The following RBFOX3 variants were observed in gnomAD, a reference collection of about 807,000 sequenced individuals.
The protein encoded by RBFOX3 is RNA binding fox-1 homolog 3, also known as RNA binding protein fox-1 homolog 3.
Under a neutral mutation model 48.7 loss-of-function variants are expected in RBFOX3, and 17 were observed. That is an observed-to-expected ratio of 0.35 (90% confidence interval 0.24 to 0.52). The LOEUF is 0.52. RBFOX3 is among the 20% of genes least tolerant of loss of function. The pLI is 0.94. For missense variants in RBFOX3, 382 were observed against 497.5 expected (o/e 0.77, Z 2.21); for synonymous variants, 212 against 209.5 (o/e 1.01, Z -0.10).
At chr17:79,131,029 G>A (rs1298518248) in intron 4 of RBFOX3, among the ~76,000 whole-genome samples, 1 of 151,928 alleles carries the variant, frequency 6.6e-6, no homozygotes, top group East Asian at 1.9e-4. Flanking sequence ...TGCCCCATGT[G>A]TGCTGTGCCC....
intron 1 of RBFOX3, among the ~76,000 whole-genome samples, chr17:79,538,201 T>C (rs1830744271): frequency 1.3e-5 from 2 of 152,246 alleles, no homozygotes; most frequent in Non-Finnish European, 1.5e-5. Flanking sequence ...TGAATACATG[T>C]AATCTCATGA....
chr17:79,662,359 T>C, the RBFOX3 span, among the ~76,000 whole-genome samples: 1 of 151,962 alleles, frequency 6.6e-6, no homozygotes, highest in Non-Finnish European at 1.5e-5. Flanking sequence ...CCTGACCTTG[T>C]GATCCGCCCA....
At chr17:79,470,940 A>G (rs1311417461) in intron 2 of RBFOX3, among the ~76,000 whole-genome samples, 3 of 152,044 alleles carry the variant, frequency 2.0e-5, no homozygotes, top group Non-Finnish European at 2.9e-5. Context: ...GTCATCCAAG[A>G]CAGGCCACTT....
At chr17:79,620,577 ACACGCACGCACACACACG>A in the RBFOX3 span, among the ~76,000 whole-genome samples, 10 of 89,354 alleles carry the variant, frequency 1.1e-4, no homozygotes, top group East Asian at 1.0e-3. Flanking sequence ...GCGCGTGCAC[ACACGCACGCACACACACG>A]CACGCACGCA....
At chr17:79,312,356 T>C (rs568251466) in intron 2 of RBFOX3, among the ~76,000 whole-genome samples, 1 of 151,216 alleles carries the variant, frequency 6.6e-6, no homozygotes, top group South Asian at 2.1e-4. Flanking sequence ...AGCCATGGCC[T>C]GACCCACCTT....
At chr17:79,562,693 C>T (rs1357285152) in intron 1 of RBFOX3, among the ~76,000 whole-genome samples, 4 of 152,180 alleles carry the variant, frequency 2.6e-5, no homozygotes, top group Non-Finnish European at 5.9e-5. Flanking sequence ...AGAGAAAGTC[C>T]ATGGAGGGTG....
the RBFOX3 span, among the ~76,000 whole-genome samples, chr17:79,653,278 G>T: frequency 2.0e-5 from 3 of 152,318 alleles, no homozygotes; most frequent in Non-Finnish European, 4.4e-5. Flanking sequence ...ACAGTAACCT[G>T]TGAGTGCCAG....
intron 1 of RBFOX3, among the ~76,000 whole-genome samples, chr17:79,574,233 AG>A (rs1438114964): frequency 3.9e-5 from 6 of 152,196 alleles, no homozygotes; most frequent in Non-Finnish European, 7.3e-5. Context: ...CATCTTGAAT[AG>A]GGGCTGGGCA....
At chr17:79,232,087 T>C (rs1600136996) in intron 4 of RBFOX3, among the ~76,000 whole-genome samples, 1 of 152,194 alleles carries the variant, frequency 6.6e-6, no homozygotes, top group East Asian at 1.9e-4. Context: ...GACTCACCCA[T>C]TATCACGAGA....
rs781939543 is a variant in RBFOX3, at chr17:79,421,662, G to A, written c.-175+60792C>T. Among the ~76,000 whole-genome samples, 4 of 152,170 alleles carry A rather than the reference G, an allele frequency of 2.6e-5. No individual in the cohort carries two copies. Among genetic ancestry groups the A allele is most frequent in the East Asian group, 3.9e-4 (2 of 5,172 alleles). ...GCGGGACCCCAGGGGCACACCGAAC[G>A]CGGTCACCATAGGACCAAACAAGAT... On this transcript the variant is annotated intron_variant, in intron 2 of 14. Transcript: ENST00000693108. This position sits in a 1 kb window ranked among gnomAD's most constrained non-coding sequence, Gnocchi z 4.5.
At chr17:79,337,184 C>T (rs1047571092) in intron 2 of RBFOX3, among the ~76,000 whole-genome samples, 6 of 152,106 alleles carry the variant, frequency 3.9e-5, no homozygotes, top group Admixed American at 2.0e-4. Flanking sequence ...GAAAGGACCA[C>T]GTCATCTTGG....
intron 4 of RBFOX3, among the ~76,000 whole-genome samples, chr17:79,190,690 C>T (rs868676349): frequency 1.2e-4 from 19 of 152,144 alleles, no homozygotes; most frequent in African/African-American, 3.9e-4. Context: ...AAACCTTTTC[C>T]GTCTTAATTT....
chr17:79,167,048 G>A (rs1002869086), intron 4 of RBFOX3, among the ~76,000 whole-genome samples: 4 of 152,184 alleles, frequency 2.6e-5, no homozygotes, highest in African/African-American at 7.2e-5. Context: ...CAAGACCCCC[G>A]GCAAGGCGGG....
Position 79,254,302 on chromosome 17 carries a change from G to A in RBFOX3, c.-73-18497C>T, listed in dbSNP as rs547261641. Reference sequence around the variant, plus strand: ...TGCTGCCCAGTCCTATTCCTGCCTCGTTCAGAACCCTGCCCACCCCGCAAC... The same window carrying A: ...TGCTGCCCAGTCCTATTCCTGCCTCATTCAGAACCCTGCCCACCCCGCAAC... On this transcript the variant is annotated intron_variant, in intron 3 of 14. Transcript: ENST00000693108. The surrounding 1 kb of genome is among the most constrained non-coding windows in gnomAD (Gnocchi z 4.8). Among the ~76,000 whole-genome samples, 5 of 152,226 alleles carry A rather than the reference G, an allele frequency of 3.3e-5. No homozygotes were observed. Among genetic ancestry groups the A allele is most frequent in the African/African-American group, 1.2e-4 (5 of 41,522 alleles).
At position 79,090,593 on chromosome 17, in the gene RBFOX3, C is replaced by T; in HGVS notation, c.*290G>A. ...ACAAGGGAGGCCCCTTCCCCTCCAA[C>T]TCCCCCACTGCCTGAGACGGAGGGG... On this transcript the variant is annotated 3_prime_UTR_variant, in exon 15 of 15. Transcript: ENST00000693108. 1 of 432,470 alleles carries T rather than the reference C, an allele frequency of 2.3e-6. No homozygotes were observed. 26.8% of individuals were successfully genotyped at this position (432,470 alleles called of 1,614,324 possible). A position where few individuals can be genotyped will look rare whatever the true frequency, so the allele number is the denominator to read the frequency against.
chr17:79,340,125 C>G (rs552538991), intron 2 of RBFOX3, among the ~76,000 whole-genome samples: 2 of 152,032 alleles, frequency 1.3e-5, no homozygotes, highest in Admixed American at 6.6e-5. Context: ...ATGGTGAAAC[C>G]CTGTCCCTAC....
the RBFOX3 span, among the ~76,000 whole-genome samples, chr17:79,647,112 G>C: frequency 6.6e-6 from 1 of 151,988 alleles, no homozygotes; most frequent in Non-Finnish European, 1.5e-5. Flanking sequence ...ATGAGTGAGA[G>C]GACTTCATCT....
At chr17:79,244,414 A>C (rs1284768717) in intron 3 of RBFOX3, among the ~76,000 whole-genome samples, 1 of 152,214 alleles carries the variant, frequency 6.6e-6, no homozygotes, top group Non-Finnish European at 1.5e-5. Context: ...GTAAGAGAAT[A>C]AACTTCTGTT....
At chr17:79,094,814 G>T (rs942640977) in intron 13 of RBFOX3, among the ~76,000 whole-genome samples, 5 of 151,480 alleles carry the variant, frequency 3.3e-5, no homozygotes, top group African/African-American at 1.2e-4. Flanking sequence ...GCTACGTGGA[G>T]GGGGATGGTG....
Sources: gnomAD v4.1 joint callset for allele counts (sites outside exome capture counted in the v4.1 genomes callset) on GRCh38, gnomAD v4.1.1 for gene constraint, Gnocchi (gnomAD v3.1) non-coding constraint, MANE v1.5 for transcripts, NCBI Gene and HGNC (gene_info 2026-07-23, HGNC 2026-07-21) for gene names.